Variants in BMPR1B observed in about 807,000 individuals in gnomAD.
BMPR1B encodes bone morphogenetic protein receptor type-1B.
A neutral mutation model predicts 59.1 loss-of-function variants in BMPR1B; 12 were observed. That is an observed-to-expected ratio of 0.20 (90% CI 0.13 to 0.33). The LOEUF (loss-of-function observed/expected upper bound fraction) is 0.33. BMPR1B is among the 10% of genes least tolerant of loss of function. BMPR1B has a pLI of 1.00. For missense variants in BMPR1B, 550 were observed against 610.9 expected, an observed-to-expected ratio of 0.90 and a Z score of 1.05; for synonymous variants, 237 against 207.3, an observed-to-expected ratio of 1.14 and a Z score of -1.23.
intron 2 of BMPR1B, among the ~76,000 whole-genome samples, chr4:94,906,714 T>G (rs1375923072): frequency 6.6e-6 from 1 of 152,038 alleles, no homozygotes; most frequent in African/African-American, 2.4e-5. Context: ...CCTGATAGAT[T>G]GTTGAAGTAA....
intron 3 of BMPR1B, among the ~76,000 whole-genome samples, chr4:95,078,674 A>G (rs1961224): frequency 0.33 from 50,483 of 152,022 alleles, 8,409 homozygotes; most frequent in Middle Eastern, 0.44. Flanking sequence ...ACCCTCTCAC[A>G]TGCATGTTCC....
At chr4:95,123,930 A>G in intron 7 of BMPR1B, 24 bp downstream of exon 7, 1 of 1,521,134 alleles carries the variant, frequency 6.6e-7, no homozygotes. Context: ...ATGTAGATGC[A>G]AAATTTTTAA....
At chr4:95,069,245 C>A (rs1414355720) in intron 3 of BMPR1B, among the ~76,000 whole-genome samples, 1 of 152,202 alleles carries the variant, frequency 6.6e-6, no homozygotes, top group Non-Finnish European at 1.5e-5. Flanking sequence ...AATCTCCTGA[C>A]TGGCTCTCTG....
chr4:94,783,527 C>T (rs1722658114), intron 1 of BMPR1B, among the ~76,000 whole-genome samples: 1 of 152,170 alleles, frequency 6.6e-6, no homozygotes, highest in Non-Finnish European at 1.5e-5. Flanking sequence ...TGAAGTGTCT[C>T]TTCCTCTGGG....
At position 95,090,407 on chromosome 4, in the gene BMPR1B, CTG is replaced by C. The variant is rs559039801; in HGVS notation, c.-17-13999_-17-13998del. ...ACCATCTGCTGTTAGGCAAAGGTAT[CTG>C]TTTTTTGGATAAGATTTCAGGTCAT... On this transcript the variant is annotated intron_variant, in intron 3 of 12. Coordinates refer to ENST00000515059, the MANE Select transcript of BMPR1B (RefSeq NM_001203.3). Among the ~76,000 whole-genome samples, 767 of 151,838 alleles carry C rather than the reference CTG, an allele frequency of 5.1e-3. 2 individuals are homozygous for C. Among genetic ancestry groups the C allele is most frequent in the Non-Finnish European group, 8.6e-3 (584 of 67,898 alleles).
intron 2 of BMPR1B, among the ~76,000 whole-genome samples, chr4:94,877,089 A>G (rs542439827): frequency 1.2e-3 from 180 of 152,282 alleles, no homozygotes; most frequent in African/African-American, 4.2e-3. Flanking sequence ...GTGAGGTTAA[A>G]TTTTCAGCAT....
intron 1 of BMPR1B, among the ~76,000 whole-genome samples, chr4:94,847,573 TG>T (rs2148943197): frequency 6.6e-6 from 1 of 152,086 alleles, no homozygotes; most frequent in African/African-American, 2.4e-5. Flanking sequence ...AAGGAAAATA[TG>T]GTACAAATAC....
chr4:94,831,955 C>G (rs7663201), intron 1 of BMPR1B, among the ~76,000 whole-genome samples: 74,969 of 152,112 alleles, frequency 0.49, 19,420 homozygotes, highest in African/African-American at 0.66. Context: ...TCTCCCATCA[C>G]TCCCAGGTGG....
At chr4:95,124,511 T>G in intron 7 of BMPR1B, among the ~76,000 whole-genome samples, 1 of 152,080 alleles carries the variant, frequency 6.6e-6, no homozygotes, top group Non-Finnish European at 1.5e-5. Flanking sequence ...AATTGAAAAC[T>G]TAAGTATTGA....
chr4:94,862,710 C>T (rs1444150062), intron 1 of BMPR1B, among the ~76,000 whole-genome samples: 1 of 151,574 alleles, frequency 6.6e-6, no homozygotes, highest in Admixed American at 6.6e-5. Context: ...CTTTGGCAGG[C>T]CGAGACGGGT....
chr4:94,788,973 A>G (rs866426303), intron 1 of BMPR1B, among the ~76,000 whole-genome samples: 1 of 152,150 alleles, frequency 6.6e-6, no homozygotes, highest in Non-Finnish European at 1.5e-5. Flanking sequence ...CCCTGAGGTG[A>G]TGAAGGCCTG....
chr4:95,077,110 G>T (rs139177163), intron 3 of BMPR1B, among the ~76,000 whole-genome samples: 8 of 152,272 alleles, frequency 5.3e-5, no homozygotes, highest in African/African-American at 1.7e-4. Flanking sequence ...AGGTATAACG[G>T]TAGGAGAAAG....
intron 3 of BMPR1B, among the ~76,000 whole-genome samples, chr4:95,081,784 CAT>C (rs1475028074): frequency 3.9e-5 from 6 of 152,110 alleles, no homozygotes; most frequent in African/African-American, 1.2e-4. Context: ...CTCCTAACTA[CAT>C]GTCTGTGTGA....
chr4:94,824,416 A>G (rs1044689497), intron 1 of BMPR1B, among the ~76,000 whole-genome samples: 1 of 152,196 alleles, frequency 6.6e-6, no homozygotes, highest in Non-Finnish European at 1.5e-5. Context: ...GAGCATGTGA[A>G]CAGAGCAAGT....
intron 3 of BMPR1B, among the ~76,000 whole-genome samples, chr4:95,021,313 C>T (rs1308405203): frequency 4.6e-5 from 7 of 152,166 alleles, no homozygotes; most frequent in Non-Finnish European, 1.0e-4. Context: ...TGTCTTATTG[C>T]ATACTTTTGT....
chr4:94,955,133 C>A (rs911243711), intron 2 of BMPR1B, among the ~76,000 whole-genome samples: 3 of 152,158 alleles, frequency 2.0e-5, no homozygotes, highest in African/African-American at 7.2e-5. Flanking sequence ...GGAATGTGAT[C>A]AGTACCGTTA....
chr4:94,988,702 G>A (rs1280593909), intron 2 of BMPR1B, among the ~76,000 whole-genome samples: 1 of 152,138 alleles, frequency 6.6e-6, no homozygotes, highest in East Asian at 1.9e-4. Flanking sequence ...TAAAGTGGCA[G>A]CAGTAAGGTT....
chr4:95,127,288 A>G (rs896424247), intron 8 of BMPR1B, among the ~76,000 whole-genome samples: 1 of 152,140 alleles, frequency 6.6e-6, no homozygotes, highest in Non-Finnish European at 1.5e-5. Flanking sequence ...AGGACCAGAA[A>G]CATTTGCTAA....
chr4:94,988,155 C>T lies in BMPR1B; in HGVS notation c.-112-7885C>T, dbSNP rs79471806. Among the ~76,000 whole-genome samples, 951 of 151,906 alleles carry T rather than the reference C, an allele frequency of 6.3e-3. 3 individuals carry two copies. Among genetic ancestry groups the T allele is most frequent in the African/African-American group, 7.5e-3 (312 of 41,472 alleles). On this transcript the variant is annotated intron_variant, in intron 2 of 12. Transcript: ENST00000515059. ...GTAGAAAATGCTTGAAATTATATTG[C>T]GAATATTTATTATTTTAAATAACAC...
Sources: allele counts gnomAD v4.1 joint callset (sites outside exome capture counted in the v4.1 genomes callset), GRCh38; gene constraint gnomAD v4.1.1; transcripts MANE v1.5; gene names NCBI Gene and HGNC (gene_info 2026-07-23, HGNC 2026-07-21).